RGPD3: variants seen among roughly 807,000 people sequenced by gnomAD.
RGPD3 encodes RANBP2 like and GRIP domain containing 3.
Under a neutral mutation model 154.5 loss-of-function variants are expected in RGPD3, and 62 were observed. That is an observed-to-expected ratio of 0.40 (90% CI 0.33 to 0.50). The LOEUF is 0.50. Ranked by LOEUF, RGPD3 falls within the 20% of genes least tolerant of loss-of-function variation. The pLI is 0.59. For missense variants in RGPD3, 919 were observed against 1,716.8 expected (o/e 0.54, Z 8.21); for synonymous variants, 308 against 607.0 (o/e 0.51, Z 7.24).
Position 106,468,326 on chromosome 2 carries a change from G to C in RGPD3, c.-38C>G, listed in dbSNP as rs1233148818. ...CTGGCTCCCGAGATGCGTGAGACCA[G>C]CGCTCAGCCCCGCAGCAGTCGCCAA... is the stretch of plus-strand genomic sequence containing the variant. On this transcript the variant is annotated 5_prime_UTR_variant, in exon 1 of 23. Transcript: ENST00000409886. The C allele has an allele frequency of 6.3e-7, 1 of 1,583,954 alleles. No individual in the cohort carries two copies. Among genetic ancestry groups the C allele is most frequent in the Non-Finnish European group, 8.6e-7 (1 of 1,166,456 alleles).
At chr2:106,416,030 C>A in intron 20 of RGPD3, 41 bp from the exon 21 acceptor site, 1 of 1,608,768 alleles carries the variant, frequency 6.2e-7, no homozygotes. Flanking sequence ...CAAAATCATA[C>A]ATTACAGATG....
At chr2:106,414,467 A>T (rs1322575130) in intron 21 of RGPD3, among the ~76,000 whole-genome samples, 5 of 151,254 alleles carry the variant, frequency 3.3e-5, no homozygotes, top group African/African-American at 1.2e-4. Context: ...AGTAAAATAA[A>T]AAAAATTAGC....
chr2:106,405,698 C>T (rs1176748717), intron 22 of RGPD3, among the ~76,000 whole-genome samples: 3 of 151,314 alleles, frequency 2.0e-5, no homozygotes, highest in Admixed American at 2.0e-4. Context: ...AGACACACTG[C>T]TTACTAAATT....
chr2:106,426,034 T>C lies in RGPD3; in HGVS notation c.2660A>G (p.Gln887Arg). 6.3e-7 allele frequency: 1 copy of C among 1,576,698 alleles called. No individual in the cohort carries two copies. The highest frequency in any genetic ancestry group is 8.5e-7 in the Non-Finnish European group (1 of 1,173,840). The change falls in exon 19 of 23, where the codon CAG becomes CGG. Residue 887 changes from glutamine to arginine, a missense_variant. Coordinates refer to ENST00000409886, the MANE Select transcript of RGPD3 (RefSeq NM_001144013.2). ...YYSQSPAYNS[Q>R]YLLRPAANVT... ...ATTAGCTGCTGGTCTGAGAAGATAC[T>C]GGGAATTATATGCTGGTGACTGACT...
chr2:106,466,125 C>T (rs542824176), intron 1 of RGPD3, among the ~76,000 whole-genome samples: 9 of 151,990 alleles, frequency 5.9e-5, no homozygotes, highest in Admixed American at 3.3e-4. Context: ...CCAGAAAGCC[C>T]GGGCCAGGAC....
intron 7 of RGPD3, among the ~76,000 whole-genome samples, chr2:106,443,563 GT>G (rs1677825474): frequency 9.4e-6 from 1 of 106,534 alleles, no homozygotes; most frequent in African/African-American, 3.3e-5. Context: ...CATTCTTTTT[GT>G]TTTCAAACTG....
At position 106,424,530 on chromosome 2, in the gene RGPD3, C is replaced by T. The variant is rs762296037; in HGVS notation, c.3437G>A (p.Arg1146Gln). 3.4e-5 allele frequency: 55 copies of T among 1,607,356 alleles called. No individual in the cohort carries two copies. Among genetic ancestry groups the T allele is most frequent in the Middle Eastern group, 2.2e-4 (1 of 4,452 alleles). Residue 1146 changes from arginine to glutamine, a missense_variant, in exon 20 of 23, where the codon CGA becomes CAA. By Grantham distance (43) the Arg-to-Gln change is conservative. Coordinates refer to ENST00000409886, the MANE Select transcript of RGPD3 (RefSeq NM_001144013.2). The stretch of plus-strand genomic sequence containing the variant: ...TGGTGTTTTAAATTTTGCTGCCAAT[C>T]GCTCTAGTTTGGCATCACCATCAGA... ...DFSDGDAKLE[R>Q]LAAKFKTPEL... is the part of the protein sequence containing the mutation.
intron 9 of RGPD3, among the ~76,000 whole-genome samples, chr2:106,438,223 G>A (rs868075863): frequency 1.6e-3 from 244 of 152,022 alleles, no homozygotes; most frequent in African/African-American, 5.5e-3. Context: ...CCACTGTGTC[G>A]GGCTTAATCC....
intron 6 of RGPD3, among the ~76,000 whole-genome samples, chr2:106,450,040 C>T (rs1412170895): frequency 6.8e-6 from 1 of 146,820 alleles, no homozygotes; most frequent in Non-Finnish European, 1.5e-5. Context: ...TCGAGACCAT[C>T]CTGGCCAACA....
At chr2:106,446,843 C>T (rs1333891805) in intron 7 of RGPD3, among the ~76,000 whole-genome samples, 2 of 151,794 alleles carry the variant, frequency 1.3e-5, no homozygotes, top group Non-Finnish European at 2.9e-5. Flanking sequence ...GATCACGCCA[C>T]TGCACTCCAG....
At chr2:106,409,808 C>G (rs1159369233) in intron 22 of RGPD3, among the ~76,000 whole-genome samples, 6 of 135,730 alleles carry the variant, frequency 4.4e-5, no homozygotes, top group Non-Finnish European at 8.0e-5. Flanking sequence ...TTTTCCCACT[C>G]TTGTTTTTTG....
intron 1 of RGPD3, among the ~76,000 whole-genome samples, chr2:106,466,931 C>G (rs866347195): frequency 9.1e-6 from 1 of 109,638 alleles, no homozygotes; most frequent in Non-Finnish European, 2.0e-5. Flanking sequence ...CAGGGAGCAG[C>G]GCCCGTCGGG....
At chr2:106,420,571 A>C (rs1676950282) in intron 20 of RGPD3, among the ~76,000 whole-genome samples, 1 of 152,256 alleles carries the variant, frequency 6.6e-6, no homozygotes, top group South Asian at 2.1e-4. Flanking sequence ...TGCTAACAGT[A>C]AGTGTAAACA....
intron 20 of RGPD3, among the ~76,000 whole-genome samples, chr2:106,418,354 G>T (rs1676876418): frequency 6.6e-6 from 1 of 150,516 alleles, no homozygotes; most frequent in Non-Finnish European, 1.5e-5. Flanking sequence ...TCAGGATTAG[G>T]TATTTCAGAT....
At chr2:106,468,188 G>T (rs778268044) in intron 1 of RGPD3, 29 bp downstream of exon 1, 1 of 1,587,172 alleles carries the variant, frequency 6.3e-7, no homozygotes, top group Admixed American at 1.8e-5. Flanking sequence ...GCCAGGTCGA[G>T]GCCGTCGGTC....
rs1237172416 is a variant in RGPD3, at chr2:106,423,766, G to C, written c.4201C>G (p.Gln1401Glu). 1.9e-6 allele frequency: 3 copies of C among 1,611,650 alleles called. No homozygotes were observed. In the African/African-American group the frequency reaches 4.0e-5, roughly 22 times the overall value. ...TGATTGGCACAAAGTTTTAATACTT[G>C]GTCCCTTCTCATCAGTATACGAACG... ...KHVRILMRRD[Q>E]VLKLCANHRI... The change falls in exon 20 of 23, where the codon CAA becomes GAA. Residue 1401 changes from glutamine (Q) to glutamate (E), a missense_variant. Transcript: ENST00000409886.
At chr2:106,406,494 T>G in intron 22 of RGPD3, among the ~76,000 whole-genome samples, 1 of 148,964 alleles carries the variant, frequency 6.7e-6, no homozygotes, top group Non-Finnish European at 1.5e-5. Flanking sequence ...CATTCTTTTT[T>G]ATTGCTGAGC....
rs531579783 is a variant in RGPD3 at position 106,416,037 on chromosome 2, G to A, written c.4925-48C>T. Reference sequence around the variant, plus strand: ...TTAATTTTCAAAATCATACATTACAGATGAAGATTCTAAATAAGAAAAATC... The same window carrying A: ...TTAATTTTCAAAATCATACATTACAAATGAAGATTCTAAATAAGAAAAATC... On this transcript the variant is annotated intron_variant, in intron 20 of 22. Coordinates refer to ENST00000409886, the MANE Select transcript of RGPD3 (RefSeq NM_001144013.2). The A allele has an allele frequency of 3.8e-4, 611 of 1,596,036 alleles. 1 individual carries two copies. The African/African-American group carries it at 6.7e-3, about 18-fold the overall frequency.
At chr2:106,468,144 G>T in intron 1 of RGPD3, 73 bp downstream of exon 1, 2 of 1,524,316 alleles carry the variant, frequency 1.3e-6, no homozygotes, top group East Asian at 2.6e-5. Flanking sequence ...GAGCCATCGA[G>T]GCCGCCGCCG....
Sources: gnomAD v4.1 joint callset for allele counts (sites outside exome capture counted in the v4.1 genomes callset) on GRCh38, gnomAD v4.1.1 for gene constraint, MANE v1.5 for transcripts, NCBI Gene and HGNC (gene_info 2026-07-23, HGNC 2026-07-21) for gene names.